COL4A1: variants seen among roughly 807,000 people sequenced by gnomAD.
The protein encoded by COL4A1 is collagen alpha-1(IV) chain.
Under a neutral mutation model 216.6 loss-of-function variants are expected in COL4A1, and 40 were observed. That is an observed-to-expected ratio of 0.18 (90% CI 0.14 to 0.24). The LOEUF (loss-of-function observed/expected upper bound fraction) is 0.24. Among genes scored for constraint, COL4A1 ranks in the 10% least tolerant of loss-of-function variants. COL4A1 has a pLI of 1.00. For synonymous variants in COL4A1, 839 were observed against 810.7 expected, an observed-to-expected ratio of 1.03 and a Z score of -0.59; for missense variants, 1,628 against 2,196.8, an observed-to-expected ratio of 0.74 and a Z score of 5.18.
intron 4 of COL4A1, 104 bp downstream of exon 4, chr13:110,213,678 A>G (rs1879928855): frequency 6.0e-6 from 7 of 1,157,332 alleles, no homozygotes; most frequent in Non-Finnish European, 7.8e-6. Context: ...GGGAGAGGAG[A>G]TGGAGGACGA....
At chr13:110,274,661 T>C (rs1321774275) in intron 1 of COL4A1, among the ~76,000 whole-genome samples, 2 of 152,210 alleles carry the variant, frequency 1.3e-5, no homozygotes, top group South Asian at 2.1e-4. Context: ...AGAAATGCAA[T>C]GGGAGGAGTG....
intron 49 of COL4A1, among the ~76,000 whole-genome samples, chr13:110,160,753 G>C (rs2138427154): frequency 6.6e-6 from 1 of 152,294 alleles, no homozygotes; most frequent in African/African-American, 2.4e-5. Flanking sequence ...CTGTTGCTCA[G>C]GCAGGAGTGC....
chr13:110,284,068 C>T (rs1038654552), intron 1 of COL4A1, among the ~76,000 whole-genome samples: 2 of 152,200 alleles, frequency 1.3e-5, no homozygotes, highest in African/African-American at 4.8e-5. Flanking sequence ...AGGCCACCAA[C>T]GGGCAGGGAT....
At chr13:110,241,580 G>GT (rs1416989310) in intron 2 of COL4A1, among the ~76,000 whole-genome samples, 12 of 152,300 alleles carry the variant, frequency 7.9e-5, no homozygotes, top group African/African-American at 2.6e-4. Context: ...AAAATCCAAA[G>GT]TAAGAGAGCA....
chr13:110,166,638 T>A (rs1161771361), intron 44 of COL4A1, among the ~76,000 whole-genome samples: 1 of 152,206 alleles, frequency 6.6e-6, no homozygotes, highest in East Asian at 1.9e-4. Context: ...AAACTCTTTT[T>A]TCTAGAACCC....
intron 19 of COL4A1, 188 bp downstream of exon 19, chr13:110,201,250 A>C (rs932907462): frequency 3.4e-5 from 18 of 526,894 alleles, no homozygotes; most frequent in Non-Finnish European, 6.1e-5. Context: ...AAGGAGGAGG[A>C]GGAGGAAGAG....
intron 1 of COL4A1, among the ~76,000 whole-genome samples, chr13:110,283,585 T>G (rs1160161876): frequency 6.6e-6 from 1 of 152,178 alleles, no homozygotes; most frequent in Non-Finnish European, 1.5e-5. Flanking sequence ...GACACATGCA[T>G]ACACTCCCTC....
intron 1 of COL4A1, among the ~76,000 whole-genome samples, chr13:110,289,046 A>T (rs58775672): frequency 0.18 from 27,489 of 152,168 alleles, 2,600 homozygotes; most frequent in South Asian, 0.22. Flanking sequence ...TCAAAAAAAA[A>T]AGATGCGTGT....
At chr13:110,235,495 A>G (rs2139237136) in intron 2 of COL4A1, among the ~76,000 whole-genome samples, 1 of 151,864 alleles carries the variant, frequency 6.6e-6, no homozygotes, top group East Asian at 1.9e-4. Flanking sequence ...CTAAAAATAC[A>G]AAAAAATTAG....
chr13:110,300,820 T>A (rs1398922073), intron 1 of COL4A1, among the ~76,000 whole-genome samples: 1 of 152,236 alleles, frequency 6.6e-6, no homozygotes, highest in African/African-American at 2.4e-5. Flanking sequence ...GGAGGTTGAA[T>A]AGCTCTCCTT....
At chr13:110,245,867 G>A (rs1235421649) in intron 1 of COL4A1, among the ~76,000 whole-genome samples, 1 of 152,162 alleles carries the variant, frequency 6.6e-6, no homozygotes, top group East Asian at 1.9e-4. Flanking sequence ...AGGTACTAAG[G>A]AACACTGGGG....
intron 4 of COL4A1, 73 bp from the exon 5 acceptor site, chr13:110,212,691 G>C: frequency 6.5e-7 from 1 of 1,543,686 alleles, no homozygotes; most frequent in Non-Finnish European, 8.9e-7. Flanking sequence ...CATCTCCCCG[G>C]TTAATGGAGT....
intron 1 of COL4A1, among the ~76,000 whole-genome samples, chr13:110,273,454 A>C (rs1217039229): frequency 6.6e-6 from 1 of 152,178 alleles, no homozygotes; most frequent in Non-Finnish European, 1.5e-5. Context: ...AACTCCATCC[A>C]GCAGTGTCGT....
intron 2 of COL4A1, among the ~76,000 whole-genome samples, chr13:110,217,328 T>A (rs1386629895): frequency 6.6e-6 from 1 of 152,098 alleles, no homozygotes; most frequent in Non-Finnish European, 1.5e-5. Context: ...GCTAGCAGGG[T>A]CCAAGCCAGA....
At chr13:110,256,810 G>C (rs1047875976) in intron 1 of COL4A1, among the ~76,000 whole-genome samples, 2 of 152,054 alleles carry the variant, frequency 1.3e-5, no homozygotes, top group Non-Finnish European at 2.9e-5. Flanking sequence ...TGTGGGATAG[G>C]ATCTAACCAC....
At chr13:110,232,086 ACT>A (rs1881090110) in intron 2 of COL4A1, among the ~76,000 whole-genome samples, 1 of 152,224 alleles carries the variant, frequency 6.6e-6, no homozygotes, top group Non-Finnish European at 1.5e-5. Flanking sequence ...GCCAGGAATC[ACT>A]GTTAGCTTCT....
At chr13:110,275,495 CA>C (rs1337958301) in intron 1 of COL4A1, among the ~76,000 whole-genome samples, 1 of 152,194 alleles carries the variant, frequency 6.6e-6, no homozygotes, top group African/African-American at 2.4e-5. Flanking sequence ...GGCAGTTTGG[CA>C]GTTTCTGATA....
chr13:110,200,068 C>T lies in COL4A1; in HGVS notation c.1120+786G>A, dbSNP rs186858116. ...AAGGAAACAAATATAAAATAATAAA[C>T]GGGGATAAAAACAAAAATAAATGTA... is the stretch of plus-strand genomic sequence containing the variant. On this transcript the variant is annotated intron_variant, in intron 20 of 51. Transcript: ENST00000375820. Among the ~76,000 whole-genome samples, 12 of 152,168 alleles carry T rather than the reference C, an allele frequency of 7.9e-5. No individual in the cohort carries two copies. The East Asian group carries it at 1.7e-3, about 22-fold the overall frequency.
intron 41 of COL4A1, 95 bp from the exon 42 acceptor site, chr13:110,170,827 TC>T: frequency 7.4e-7 from 1 of 1,360,084 alleles, no homozygotes. Context: ...GCGTGCCTCA[TC>T]CTGTAGGTAC....
Sources: allele counts gnomAD v4.1 joint callset (sites outside exome capture counted in the v4.1 genomes callset), GRCh38; gene constraint gnomAD v4.1.1; transcripts MANE v1.5; gene names NCBI Gene and HGNC (gene_info 2026-07-23, HGNC 2026-07-21).